The following WWOX variants were observed in gnomAD, a reference collection of about 807,000 sequenced individuals.
The protein encoded by WWOX is WW domain-containing oxidoreductase.
Under a neutral mutation model 46.2 loss-of-function variants are expected in WWOX, and 69 were observed. The ratio of observed to expected loss-of-function variants is 1.49; its 90% confidence interval spans 1.23 to 1.82. The LOEUF (loss-of-function observed/expected upper bound fraction) is 1.82. Ranked by LOEUF, WWOX falls within the 40% of genes most tolerant of loss-of-function variation. The pLI is 0.00. For synonymous variants in WWOX, 359 were observed against 202.6 expected (o/e 1.77, Z -6.56); for missense variants, 919 against 542.6 (o/e 1.69, Z -6.89).
At chr16:78,643,302 C>T (rs564764189) in intron 8 of WWOX, among the ~76,000 whole-genome samples, 2 of 152,258 alleles carry the variant, frequency 1.3e-5, no homozygotes, top group Admixed American at 6.5e-5. Context: ...ATTTGGCTAA[C>T]GAAAACAACA....
chr16:78,284,132 G>A (rs1326113386), intron 5 of WWOX, among the ~76,000 whole-genome samples: 6 of 152,136 alleles, frequency 3.9e-5, no homozygotes, highest in Non-Finnish European at 7.4e-5. Context: ...AGGTGGTGGT[G>A]GGTGGTGGTG....
Position 78,708,207 on chromosome 16 carries a change from A to T in WWOX, c.1056+275455A>T, listed in dbSNP as rs144189278. ...CCCTGTGTCTTAAAACAACAAAAAC[A>T]AAAACAGGACACCTGGTTAAATGTG... On this transcript the variant is annotated intron_variant, in intron 8 of 8. Coordinates refer to ENST00000566780, the MANE Select transcript of WWOX (RefSeq NM_016373.4). 5.9e-5 allele frequency among the ~76,000 whole-genome samples: 9 copies of T among 152,264 alleles called. No homozygotes were observed. The East Asian group carries it at 1.7e-3, about 29-fold the overall frequency.
chr16:78,536,865 T>G (rs1375990495), intron 8 of WWOX, among the ~76,000 whole-genome samples: 1 of 152,074 alleles, frequency 6.6e-6, no homozygotes, highest in East Asian at 1.9e-4. Flanking sequence ...AAGTCGTTTA[T>G]TGAGTACTTA....
chr16:78,434,094 A>C (rs1250499802), intron 8 of WWOX, among the ~76,000 whole-genome samples: 2 of 152,134 alleles, frequency 1.3e-5, no homozygotes, highest in Non-Finnish European at 2.9e-5. Context: ...CGGCCTGGGG[A>C]TGACTTTTAA....
intron 4 of WWOX, among the ~76,000 whole-genome samples, chr16:78,140,419 G>C (rs1322048957): frequency 6.6e-6 from 1 of 152,076 alleles, no homozygotes; most frequent in Admixed American, 6.6e-5. Context: ...TGGGTGGCTT[G>C]GGACAACAGA....
intron 5 of WWOX, among the ~76,000 whole-genome samples, chr16:78,276,978 A>G (rs1436265124): frequency 1.3e-5 from 2 of 152,100 alleles, no homozygotes; most frequent in African/African-American, 4.8e-5. Context: ...ATGGCTTGGG[A>G]TGGATGGGAT....
chr16:78,486,796 A>G (rs920571396), intron 8 of WWOX, among the ~76,000 whole-genome samples: 14 of 151,378 alleles, frequency 9.2e-5, no homozygotes, highest in African/African-American at 3.4e-4. Flanking sequence ...CTGGTCTTGA[A>G]CTCCTGACTT....
At chr16:79,065,225 C>T (rs1232849926) in intron 8 of WWOX, among the ~76,000 whole-genome samples, 1 of 152,154 alleles carries the variant, frequency 6.6e-6, no homozygotes, top group Non-Finnish European at 1.5e-5. Flanking sequence ...TTCTTGCCTG[C>T]TGCACAGGTA....
At chr16:78,826,319 C>A (rs1179387135) in intron 8 of WWOX, among the ~76,000 whole-genome samples, 4 of 152,138 alleles carry the variant, frequency 2.6e-5, no homozygotes, top group Non-Finnish European at 4.4e-5. Flanking sequence ...GCACTCCAGC[C>A]TGGGCAAAAA....
chr16:78,455,253 A>T (rs1282980893), intron 8 of WWOX, among the ~76,000 whole-genome samples: 3 of 152,168 alleles, frequency 2.0e-5, no homozygotes, highest in Non-Finnish European at 4.4e-5. Context: ...TTCTCTTTGT[A>T]GCTGTGGCTG....
chr16:78,990,123 G>T (rs546472279), intron 8 of WWOX, among the ~76,000 whole-genome samples: 1 of 150,724 alleles, frequency 6.6e-6, no homozygotes, highest in African/African-American at 2.4e-5. Flanking sequence ...AGTCTAGGCT[G>T]CAGTGAGCCA....
intron 8 of WWOX, among the ~76,000 whole-genome samples, chr16:78,816,263 T>C (rs2051327785): frequency 6.6e-6 from 1 of 152,186 alleles, no homozygotes; most frequent in African/African-American, 2.4e-5. Context: ...ACCCTTTTCT[T>C]TTCTAGCATT....
intron 8 of WWOX, among the ~76,000 whole-genome samples, chr16:78,786,955 C>T (rs541084557): frequency 6.6e-6 from 1 of 152,268 alleles, no homozygotes; most frequent in South Asian, 2.1e-4. Context: ...AGAGATGAGC[C>T]TGGGCAACAT....
intron 5 of WWOX, among the ~76,000 whole-genome samples, chr16:78,203,443 G>T (rs1481111471): frequency 6.6e-6 from 1 of 152,194 alleles, no homozygotes; most frequent in Non-Finnish European, 1.5e-5. Context: ...AATATTTTGA[G>T]TGTATTTGGA....
intron 8 of WWOX, among the ~76,000 whole-genome samples, chr16:78,716,719 G>C (rs1033943879): frequency 4.6e-5 from 7 of 151,988 alleles, no homozygotes; most frequent in African/African-American, 7.2e-5. Flanking sequence ...GATTTTCTTA[G>C]AGGTGTGGAA....
At chr16:79,098,735 A>G (rs1031707726) in intron 8 of WWOX, among the ~76,000 whole-genome samples, 4 of 152,344 alleles carry the variant, frequency 2.6e-5, no homozygotes, top group Middle Eastern at 3.4e-3. Flanking sequence ...GAGGCAGGTA[A>G]TAACCCAGAT....
At chr16:78,862,186 GTGTC>G (rs1350476699) in intron 8 of WWOX, among the ~76,000 whole-genome samples, 10 of 151,758 alleles carry the variant, frequency 6.6e-5, no homozygotes, top group Non-Finnish European at 1.0e-4. Context: ...ACCGATGGGT[GTGTC>G]TGTCTGTATC....
At chr16:78,941,508 G>C (rs1158017988) in intron 8 of WWOX, among the ~76,000 whole-genome samples, 1 of 151,514 alleles carries the variant, frequency 6.6e-6, no homozygotes, top group Non-Finnish European at 1.5e-5. Context: ...ATTGGATTCA[G>C]GAGTTCATAG....
At chr16:78,473,117 G>A (rs917439166) in intron 8 of WWOX, among the ~76,000 whole-genome samples, 2 of 152,160 alleles carry the variant, frequency 1.3e-5, no homozygotes, top group African/African-American at 4.8e-5. Context: ...ACACAGTGTT[G>A]CTTATCTTTT....
Sources: gnomAD v4.1 joint callset for allele counts (sites outside exome capture counted in the v4.1 genomes callset) on GRCh38, gnomAD v4.1.1 for gene constraint, MANE v1.5 for transcripts, NCBI Gene and HGNC (gene_info 2026-07-23, HGNC 2026-07-21) for gene names.